CYP8B1: variants seen among roughly 807,000 people sequenced by gnomAD.
CYP8B1 encodes the protein 7-alpha-hydroxycholest-4-en-3-one 12-alpha-hydroxylase.
For synonymous variants in CYP8B1, 221 were observed against 251.2 expected, an observed-to-expected ratio of 0.88 and a Z score of 1.14; for missense variants, 594 against 643.7, an observed-to-expected ratio of 0.92 and a Z score of 0.84.
At position 42,875,826 on chromosome 3, in the gene CYP8B1, C is replaced by G; in HGVS notation, c.-10G>C. 7.4e-7 allele frequency: 1 copy of G among 1,350,624 alleles called. No individual in the cohort carries two copies. Among genetic ancestry groups the G allele is most frequent in the Non-Finnish European group, 9.6e-7 (1 of 1,044,944 alleles). 83.7% of individuals were successfully genotyped at this position (1,350,624 alleles called of 1,614,324 possible). On this transcript the variant is annotated 5_prime_UTR_variant, in exon 1 of 1. Transcript: ENST00000316161. Reference sequence around the variant, plus strand: ...GACCCCAGAGAACCATGGCTATGCTCCTGCGGATTAAGCTCTCGACACGCA... The same window carrying G: ...GACCCCAGAGAACCATGGCTATGCTGCTGCGGATTAAGCTCTCGACACGCA...
chr3:42,875,422 C>A lies in CYP8B1; in HGVS notation c.395G>T (p.Arg132Met). The A allele has an allele frequency of 1.2e-6, 2 of 1,613,488 alleles. No individual in the cohort carries two copies. The highest frequency in any genetic ancestry group is 1.3e-5 in the African/African-American group (1 of 75,058). ...MIHSASTKHL[R>M]GDGLKDLNET... ...ATTAAGATCCTTCAAGCCATCCCCC[C>A]TCAGATGCTTGGTGCTGGCTGAGTG... Residue 132 changes from arginine to methionine, a missense_variant, in exon 1 of 1, where the codon AGG (arginine) becomes ATG (methionine). By Grantham distance (91) the Arg-to-Met change is moderately conservative. Coordinates refer to ENST00000316161, the MANE Select transcript of CYP8B1 (RefSeq NM_004391.3).
Position 42,874,875 on chromosome 3 carries a change from C to A in CYP8B1, c.942G>T (p.Gln314His), listed in dbSNP as rs530663832. The change falls in exon 1 of 1, where the codon CAG (glutamine) becomes CAT (histidine). Residue 314 changes from glutamine (Q) to histidine (H), a missense_variant. Gln to His is a conservative substitution (Grantham distance 24). Transcript: ENST00000316161. Reference sequence around the variant, plus strand: ...TCTCCAGCCTGGCCTCACCCAGGACCTGGGTAGCTTCCTCCCTCACAGCCC... The same window carrying A: ...TCTCCAGCCTGGCCTCACCCAGGACATGGGTAGCTTCCTCCCTCACAGCCC... ...AIRAVREEAT[Q>H]VLGEARLETK... 6.3e-7 allele frequency: 1 copy of A among 1,598,856 alleles called. No individual in the cohort carries two copies. The highest frequency in any genetic ancestry group is 8.5e-7 in the Non-Finnish European group (1 of 1,171,228).
chr3:42,873,331 AGAGT>A lies in CYP8B1; in HGVS notation c.*976_*979del, dbSNP rs2088487542. The A allele has an allele frequency of 6.7e-6, 1 of 149,518 alleles. No individual in the cohort carries two copies. Among genetic ancestry groups the A allele is most frequent in the Admixed American group, 6.8e-5 (1 of 14,672 alleles). The allele number at this position is 149,518 out of a possible 1,614,324, so 9.3% of individuals were successfully genotyped here. Reference sequence around the variant, plus strand: ...ACCACTGCACTGCAGCCTGGGCAACAGAGTGAGACTCTGTCTCAAAAAAAAAAAA... The same window carrying A: ...ACCACTGCACTGCAGCCTGGGCAACAGAGACTCTGTCTCAAAAAAAAAAAA... On this transcript the variant is annotated 3_prime_UTR_variant, in exon 1 of 1. Coordinates refer to ENST00000316161, the MANE Select transcript of CYP8B1 (RefSeq NM_004391.3).
Position 42,874,746 on chromosome 3 carries a change from G to C in CYP8B1, c.1071C>G (p.Leu357=). The C allele has an allele frequency of 6.2e-7, 1 of 1,614,116 alleles. No individual in the cohort carries two copies. The highest frequency in any genetic ancestry group is 8.5e-7 in the Non-Finnish European group (1 of 1,180,032). The change falls in exon 1 of 1, where the codon CTC becomes CTG. Residue 357 remains leucine, a synonymous_variant. Coordinates refer to ENST00000316161, the MANE Select transcript of CYP8B1 (RefSeq NM_004391.3). Reference sequence around the variant, plus strand: ...GGGTATAGTCTTCATGAACCAACCTGAGGAGGGTGGGTGCAGCCCTCAGCC... The same window carrying C: ...GGGTATAGTCTTCATGAACCAACCTCAGGAGGGTGGGTGCAGCCCTCAGCC... ...TLRLRAAPTL[L]RLVHEDYTLK... is the part of the protein sequence containing the mutation.
chr3:42,874,477 A>T lies in CYP8B1; in HGVS notation c.1340T>A (p.Leu447His), dbSNP rs1384425084. 6.2e-7 allele frequency: 1 copy of T among 1,614,074 alleles called. No homozygotes were observed. Among genetic ancestry groups the T allele is most frequent in the Non-Finnish European group, 8.5e-7 (1 of 1,180,012 alleles). ...VSICPGRFFA[L>H]SEVKLFILLM... is the part of the protein sequence containing the mutation. ...CAGGATAAAGAGCTTCACCTCACTG[A>T]GTGCAAAGAACCTCCCAGGGCAGAT... The change falls in exon 1 of 1, where the codon CTC (leucine) becomes CAC (histidine). Residue 447 changes from leucine to histidine, a missense_variant. Physicochemically the swap from Leu to His is moderately conservative, Grantham distance 99. Transcript: ENST00000316161.
At position 42,875,302 on chromosome 3, in the gene CYP8B1, A is replaced by G; in HGVS notation, c.515T>C (p.Phe172Ser). 6.2e-7 allele frequency: 1 copy of G among 1,612,020 alleles called. No individual in the cohort carries two copies. The highest frequency in any genetic ancestry group is 8.5e-7 in the Non-Finnish European group (1 of 1,178,916). ...SCWHEDSLFR[F>S]CYYILFTAGY... ...AGCTGTGAACAAGATGTAATAGCAG[A>G]AGCGAAAGAGGCTGTCCTCATGCCA... Residue 172 changes from phenylalanine to serine, a missense_variant, in exon 1 of 1, where the codon TTC becomes TCC. Transcript: ENST00000316161.
rs1023111661 is a variant in CYP8B1, at chr3:42,875,600, C to T, written c.217G>A (p.Gly73Arg). ...KHGDVFTVQL[G>R]GQYFTFVMDP... Reference sequence around the variant, plus strand: ...ATGACGAAGGTGAAGTACTGGCCCCCTAGCTGCACTGTGAACACATCCCCA... The same window carrying T: ...ATGACGAAGGTGAAGTACTGGCCCCTTAGCTGCACTGTGAACACATCCCCA... The change falls in exon 1 of 1, where the codon GGG becomes AGG. Residue 73 changes from glycine (G) to arginine (R), a missense_variant. Transcript: ENST00000316161. 6.6e-7 allele frequency: 1 copy of T among 1,504,244 alleles called. No homozygotes were observed. Among genetic ancestry groups the T allele is most frequent in the Admixed American group, 2.3e-5 (1 of 43,584 alleles). The allele number at this position is 1,504,244 out of a possible 1,614,324, so 93.2% of individuals were successfully genotyped here.
rs1337156494 is a variant in CYP8B1, at chr3:42,874,890, C to T, written c.927G>A (p.Arg309=). The change falls in exon 1 of 1, where the codon AGG becomes AGA. Residue 309 remains arginine (R), a synonymous_variant. Transcript: ENST00000316161. ...CACCCAGGACCTGGGTAGCTTCCTCCCTCACAGCCCGAATAGCTTCTGGGT... is the reference window on the plus strand; with the variant it reads ...CACCCAGGACCTGGGTAGCTTCCTCTCTCACAGCCCGAATAGCTTCTGGGT... ...LKHPEAIRAV[R]EEATQVLGEA... is the part of the protein sequence containing the mutation. The T allele has an allele frequency of 6.3e-7, 1 of 1,597,612 alleles. No individual in the cohort carries two copies. Among genetic ancestry groups the T allele is most frequent in the South Asian group, 1.1e-5 (1 of 88,488 alleles).
At position 42,874,259 on chromosome 3, in the gene CYP8B1, G is replaced by A. The variant is rs2125630388; in HGVS notation, c.*52C>T. ...GGGCTGCAGAGGGGTGAGAACAGGT[G>A]AGAGATGCAATAGAACTCCTCTGGC... On this transcript the variant is annotated 3_prime_UTR_variant, in exon 1 of 1. Transcript: ENST00000316161. The A allele has an allele frequency of 6.5e-7, 1 of 1,537,860 alleles. No individual in the cohort carries two copies. The highest frequency in any genetic ancestry group is 8.9e-7 in the Non-Finnish European group (1 of 1,126,274).
In CYP8B1 at chr3:42,874,187, T is replaced by A; in HGVS notation, c.*124A>T. ...AGAGCGAGGACAGGCAGAACAGAGG[T>A]AGGGGGTGCCACAGGACCAGAGGGA... On this transcript the variant is annotated 3_prime_UTR_variant, in exon 1 of 1. Transcript: ENST00000316161. 1.4e-6 allele frequency: 1 copy of A among 731,520 alleles called. No homozygotes were observed. The highest frequency in any genetic ancestry group is 2.2e-6 in the Non-Finnish European group (1 of 449,288). The allele number at this position is 731,520 out of a possible 1,614,324, so 45.3% of individuals were successfully genotyped here.
Position 42,874,092 on chromosome 3 carries a change from C to A in CYP8B1, c.*219G>T, listed in dbSNP as rs949289121. On this transcript the variant is annotated 3_prime_UTR_variant, in exon 1 of 1. Coordinates refer to ENST00000316161, the MANE Select transcript of CYP8B1 (RefSeq NM_004391.3). ...CTGGACTTCCTGTGAGAGGAGGGTT[C>A]GGCAGAACCCACTCTGAGAGATGGT... The A allele has an allele frequency of 1.8e-6, 1 of 563,240 alleles. No individual in the cohort carries two copies. Among genetic ancestry groups the A allele is most frequent in the Non-Finnish European group, 3.2e-6 (1 of 316,130 alleles). 34.9% of individuals were successfully genotyped at this position (563,240 alleles called of 1,614,324 possible). A position where few individuals can be genotyped will look rare whatever the true frequency, so the allele number is the denominator to read the frequency against.
In CYP8B1 at chr3:42,874,884, T is replaced by A. The variant is rs550085484; in HGVS notation, c.933A>T (p.Glu311Asp). ...HPEAIRAVRE[E>D]ATQVLGEARL... ...TGGCCTCACCCAGGACCTGGGTAGC[T>A]TCCTCCCTCACAGCCCGAATAGCTT... The change falls in exon 1 of 1, where the codon GAA (glutamate) becomes GAT (aspartate). Residue 311 changes from glutamate to aspartate, a missense_variant. Glu to Asp is a conservative substitution (Grantham distance 45). Coordinates refer to ENST00000316161, the MANE Select transcript of CYP8B1 (RefSeq NM_004391.3). 1 of 1,598,594 alleles carries A rather than the reference T, an allele frequency of 6.3e-7. No individual in the cohort carries two copies. Among genetic ancestry groups the A allele is most frequent in the South Asian group, 1.1e-5 (1 of 88,510 alleles).
chr3:42,874,302 T>G lies in CYP8B1; in HGVS notation c.*9A>C, dbSNP rs528553610. On this transcript the variant is annotated 3_prime_UTR_variant, in exon 1 of 1. Coordinates refer to ENST00000316161, the MANE Select transcript of CYP8B1 (RefSeq NM_004391.3). The stretch of plus-strand genomic sequence containing the variant: ...CCTCTGGCCAGGTTTGCAGCTGGCT[T>G]GGCCAAGCTCACTCTGTAGGATGCA... The G allele has an allele frequency of 4.0e-5, 65 of 1,611,644 alleles. No homozygotes were observed. Among genetic ancestry groups the G allele is most frequent in the Non-Finnish European group, 4.7e-5 (55 of 1,178,764 alleles).
rs886110068 is a variant in CYP8B1 at position 42,873,844 on chromosome 3, C to T, written c.*467G>A. The T allele has an allele frequency of 1.2e-5, 2 of 170,472 alleles. No individual in the cohort carries two copies. The highest frequency in any genetic ancestry group is 1.5e-4 in the South Asian group (1 of 6,508). 10.6% of individuals were successfully genotyped at this position (170,472 alleles called of 1,614,324 possible). On this transcript the variant is annotated 3_prime_UTR_variant, in exon 1 of 1. Transcript: ENST00000316161. ...CCAAAAAACCCCACTACTCATGTAG[C>T]TTGCTTCATATTTATGTTGGATGAC... is the stretch of plus-strand genomic sequence containing the variant.
chr3:42,874,407 T>C lies in CYP8B1; in HGVS notation c.1410A>G (p.Thr470=). The C allele has an allele frequency of 1.2e-6, 2 of 1,613,936 alleles. No individual in the cohort carries two copies. Among genetic ancestry groups the C allele is most frequent in the Non-Finnish European group, 1.7e-6 (2 of 1,179,962 alleles). ...GCTGCGGGTCAACATGGGGTAGTGGTGTGTCAGGGTCCACCAACTCTAAGT... is the reference window on the plus strand; with the variant it reads ...GCTGCGGGTCAACATGGGGTAGTGGCGTGTCAGGGTCCACCAACTCTAAGT... ...HFDLELVDPD[T]PLPHVDPQRW... is the part of the protein sequence containing the mutation. The change falls in exon 1 of 1, where the codon ACA becomes ACG. Residue 470 remains threonine (T), a synonymous_variant. Transcript: ENST00000316161.
rs1203563831 is a variant in CYP8B1 at position 42,872,317 on chromosome 3, C to G, written c.*1994G>C. 3 of 152,400 alleles carry G rather than the reference C, an allele frequency of 2.0e-5. No individual in the cohort carries two copies. The highest frequency in any genetic ancestry group is 2.9e-5 in the Non-Finnish European group (2 of 68,104). The allele number at this position is 152,400 out of a possible 1,614,324, so 9.4% of individuals were successfully genotyped here. ...GCAGAAACCAAGACACAGAAAGCAA[C>G]GACACATAACAGATATGCTATGATA... On this transcript the variant is annotated 3_prime_UTR_variant, in exon 1 of 1. Transcript: ENST00000316161.
At position 42,875,562 on chromosome 3, in the gene CYP8B1, G is replaced by A; in HGVS notation, c.255C>T (p.Ser85=). 1 of 1,516,440 alleles carries A rather than the reference G, an allele frequency of 6.6e-7. No homozygotes were observed. The highest frequency in any genetic ancestry group is 8.8e-7 in the Non-Finnish European group (1 of 1,131,160). 93.9% of individuals were successfully genotyped at this position (1,516,440 alleles called of 1,614,324 possible). ...QYFTFVMDPL[S]FGSILKDTQR... ...GTGTGTCCTTGAGGATGGAGCCAAA[G>A]GAGAGGGGGTCCATGACGAAGGTGA... Residue 85 remains serine (S), a synonymous_variant, in exon 1 of 1, where the codon TCC becomes TCT. Coordinates refer to ENST00000316161, the MANE Select transcript of CYP8B1 (RefSeq NM_004391.3).
At position 42,875,347 on chromosome 3, in the gene CYP8B1, C is replaced by G. The variant is rs2088508672; in HGVS notation, c.470G>C (p.Trp157Ser). 2 of 1,613,950 alleles carry G rather than the reference C, an allele frequency of 1.2e-6. No individual in the cohort carries two copies. The highest frequency in any genetic ancestry group is 8.5e-7 in the Non-Finnish European group (1 of 1,180,030). The change falls in exon 1 of 1, where the codon TGG becomes TCG. Residue 157 changes from tryptophan to serine, a missense_variant. Coordinates refer to ENST00000316161, the MANE Select transcript of CYP8B1 (RefSeq NM_004391.3). Reference sequence around the variant, plus strand: ...ATGCCAGCAACTGGCATCCAGACTCCAGCCTTTGGACGTCAGCATTACAAA... The same window carrying G: ...ATGCCAGCAACTGGCATCCAGACTCGAGCCTTTGGACGTCAGCATTACAAA... ...LSFVMLTSKG[W>S]SLDASCWHED...
chr3:42,874,424 A>C lies in CYP8B1; in HGVS notation c.1393T>G (p.Leu465Val), dbSNP rs1268187300. 1 of 1,613,976 alleles carries C rather than the reference A, an allele frequency of 6.2e-7. No individual in the cohort carries two copies. The highest frequency in any genetic ancestry group is 1.1e-5 in the South Asian group (1 of 91,078). ...LLMVTHFDLELVDPDTPLPHV... is the reference protein window; with the variant it reads ...LLMVTHFDLEVVDPDTPLPHV... ...GGTAGTGGTGTGTCAGGGTCCACCA[A>C]CTCTAAGTCAAAGTGTGTGACCATA... Residue 465 changes from leucine to valine, a missense_variant, in exon 1 of 1, where the codon TTG becomes GTG. Transcript: ENST00000316161.
Sources: gnomAD v4.1 joint callset for allele counts on GRCh38, gnomAD v4.1.1 for gene constraint, MANE v1.5 for transcripts, NCBI Gene and HGNC (gene_info 2026-07-23, HGNC 2026-07-21) for gene names.